The following ADGRL4 variants were observed in gnomAD, a reference collection of about 807,000 sequenced individuals.
The protein encoded by ADGRL4 is EGF, latrophilin and seven transmembrane domain containing 1.
ADGRL4 carries 90 observed loss-of-function variants against 74.8 expected under a neutral mutation model. The observed-to-expected ratio is 1.20, with a 90% CI of 1.02 to 1.43. The LOEUF (loss-of-function observed/expected upper bound fraction) is 1.43, where lower values mean the gene tolerates loss of function less well. Among genes scored for constraint, ADGRL4 ranks in the 40% most tolerant of loss-of-function variants. The probability of loss-of-function intolerance (pLI) is 0.00; values close to 1 mark genes in which losing one functional copy is unlikely to be tolerated. For missense variants in ADGRL4, 881 were observed against 814.3 expected, an observed-to-expected ratio of 1.08 and a Z score of -1.00; for synonymous variants, 311 against 279.2, an observed-to-expected ratio of 1.11 and a Z score of -1.14.
chr1:78,977,735 CT>C (rs527969244), intron 2 of ADGRL4, among the ~76,000 whole-genome samples: 5 of 151,438 alleles, frequency 3.3e-5, no homozygotes, highest in Non-Finnish European at 4.4e-5. Context: ...GAATAAGTGC[CT>C]TTTTTTTCAT....
chr1:78,937,173 G>A (rs970018275), intron 6 of ADGRL4, among the ~76,000 whole-genome samples: 2 of 152,190 alleles, frequency 1.3e-5, no homozygotes, highest in African/African-American at 4.8e-5. Flanking sequence ...GGCTGGGCAT[G>A]GTGGCTCATG....
chr1:78,930,728 C>A (rs1225120987), intron 7 of ADGRL4, among the ~76,000 whole-genome samples: 1 of 151,082 alleles, frequency 6.6e-6, no homozygotes, highest in Non-Finnish European at 1.5e-5. Flanking sequence ...GGATTACAGG[C>A]GCGAGCCACC....
intron 12 of ADGRL4, among the ~76,000 whole-genome samples, chr1:78,896,629 T>C (rs1482483181): frequency 1.3e-5 from 2 of 152,092 alleles, no homozygotes; most frequent in African/African-American, 4.8e-5. Context: ...GCCTCCTCTG[T>C]GCTACTTCAG....
At chr1:78,990,966 C>T (rs1650597349) in intron 2 of ADGRL4, among the ~76,000 whole-genome samples, 1 of 151,896 alleles carries the variant, frequency 6.6e-6, no homozygotes. Flanking sequence ...GCCACAAAGG[C>T]AAAACTATCA....
At chr1:78,987,849 T>A (rs1295561896) in intron 2 of ADGRL4, among the ~76,000 whole-genome samples, 2 of 151,784 alleles carry the variant, frequency 1.3e-5, no homozygotes, top group Admixed American at 1.3e-4. Flanking sequence ...AGACATAAAT[T>A]AGTGAAAGGG....
chr1:78,918,336 G>T (rs1197733518), intron 10 of ADGRL4, among the ~76,000 whole-genome samples: 1 of 151,780 alleles, frequency 6.6e-6, no homozygotes, highest in East Asian at 1.9e-4. Flanking sequence ...ATAAATTGTG[G>T]ATTATTCTCA....
intron 8 of ADGRL4, among the ~76,000 whole-genome samples, chr1:78,922,230 A>G (rs1472486753): frequency 6.6e-6 from 1 of 152,030 alleles, no homozygotes; most frequent in Non-Finnish European, 1.5e-5. Flanking sequence ...AGAAGAAAGA[A>G]AGTGATATGG....
At position 78,928,642 on chromosome 1, in the gene ADGRL4, T is replaced by C. The variant is rs372050968; in HGVS notation, c.878-1551A>G. On this transcript the variant is annotated intron_variant, in intron 7 of 14. Transcript: ENST00000370742. ...GAACCAGAGATAGCCTTCAATTTAA[T>C]TGATAGAACATATATCTGAGCATTT... Among the ~76,000 whole-genome samples the C allele has an allele frequency of 9.2e-5, 14 of 151,600 alleles. 1 individual carries two copies. Among genetic ancestry groups the C allele is most frequent in the African/African-American group, 3.2e-4 (13 of 40,926 alleles).
chr1:78,891,972 C>T (rs1364372889), intron 13 of ADGRL4, among the ~76,000 whole-genome samples: 1 of 152,094 alleles, frequency 6.6e-6, no homozygotes, highest in East Asian at 1.9e-4. Flanking sequence ...ATTTCCTTCA[C>T]CTTAAAATAT....
intron 12 of ADGRL4, among the ~76,000 whole-genome samples, chr1:78,915,273 G>T (rs1463500084): frequency 6.6e-6 from 1 of 151,760 alleles, no homozygotes; most frequent in Non-Finnish European, 1.5e-5. Flanking sequence ...TAGTCTCTAG[G>T]TTCACATTTG....
intron 2 of ADGRL4, among the ~76,000 whole-genome samples, chr1:78,981,965 A>T (rs181159078): frequency 6.1e-4 from 92 of 151,734 alleles, no homozygotes; most frequent in African/African-American, 2.1e-3. Flanking sequence ...CTTCTTTGTA[A>T]TCTGCCTCAT....
At position 78,960,193 on chromosome 1, in the gene ADGRL4, A is replaced by G. The variant is rs1315959391; in HGVS notation, c.173-13767T>C. On this transcript the variant is annotated intron_variant, in intron 2 of 14. Coordinates refer to ENST00000370742, the MANE Select transcript of ADGRL4 (RefSeq NM_022159.4). ...ATTGTATTAAGTATTTTACAGAAAT[A>G]AAAATGTGGCTTTAAAAAATCTGTT... Among the ~76,000 whole-genome samples the G allele has an allele frequency of 2.6e-5, 4 of 152,210 alleles. No homozygotes were observed. The East Asian group carries it at 7.7e-4, about 29-fold the overall frequency.
chr1:78,989,484 T>C (rs935250471), intron 2 of ADGRL4, among the ~76,000 whole-genome samples: 1 of 151,870 alleles, frequency 6.6e-6, no homozygotes, highest in Non-Finnish European at 1.5e-5. Flanking sequence ...TTGTTTTTTT[T>C]CCTTTGGACA....
At chr1:78,928,881 G>T (rs1183359678) in intron 7 of ADGRL4, among the ~76,000 whole-genome samples, 1 of 151,392 alleles carries the variant, frequency 6.6e-6, no homozygotes, top group Admixed American at 6.6e-5. Context: ...GGGGTGACAG[G>T]AGTTATGATT....
chr1:78,929,421 G>A (rs1649193910), intron 7 of ADGRL4, among the ~76,000 whole-genome samples: 1 of 151,254 alleles, frequency 6.6e-6, no homozygotes, highest in African/African-American at 2.5e-5. Context: ...AGATTCAGGT[G>A]GAAGGATCAC....
At chr1:78,947,089 G>A (rs190365706) in intron 2 of ADGRL4, among the ~76,000 whole-genome samples, 1 of 152,228 alleles carries the variant, frequency 6.6e-6, no homozygotes, top group East Asian at 1.9e-4. Flanking sequence ...TATATTATCT[G>A]TTAAATAAAT....
chr1:79,002,176 T>C (rs1466420879), intron 2 of ADGRL4, among the ~76,000 whole-genome samples: 4 of 152,082 alleles, frequency 2.6e-5, no homozygotes, highest in Non-Finnish European at 5.9e-5. Context: ...TTTCAACAAA[T>C]AATGGAACAT....
intron 2 of ADGRL4, among the ~76,000 whole-genome samples, chr1:78,955,673 TAATC>T (rs1021775961): frequency 1.4e-4 from 22 of 152,098 alleles, no homozygotes; most frequent in African/African-American, 4.6e-4. Context: ...TATTTTTGCG[TAATC>T]ATTCATTTTT....
At chr1:78,945,177 A>AAAAATATATAT (rs376405445) in intron 3 of ADGRL4, among the ~76,000 whole-genome samples, 7 of 127,866 alleles carry the variant, frequency 5.5e-5, no homozygotes, top group East Asian at 2.8e-4. Context: ...AAAAAAAAAA[A>AAAAATATATAT]ATATATATAT....
Sources: gnomAD v4.1 joint callset for allele counts (sites outside exome capture counted in the v4.1 genomes callset) on GRCh38, gnomAD v4.1.1 for gene constraint, MANE v1.5 for transcripts, NCBI Gene and HGNC (gene_info 2026-07-23, HGNC 2026-07-21) for gene names.